BCL11A: variants seen among roughly 807,000 people sequenced by gnomAD.
The protein encoded by BCL11A is BCL11 transcription factor A.
In BCL11A, 2 loss-of-function variants were observed where a neutral mutation model predicts 55.9. That is an observed-to-expected ratio of 0.04 (90% CI 0.01 to 0.11). The LOEUF (loss-of-function observed/expected upper bound fraction) is 0.11, where lower values mean the gene tolerates loss of function less well. Ranked by LOEUF, BCL11A falls within the 10% of genes least tolerant of loss-of-function variation. The pLI, the probability that BCL11A is intolerant of heterozygous loss-of-function variation, is 1.00. For missense variants in BCL11A, 817 were observed against 1,137.1 expected (o/e 0.72, Z 4.05); for synonymous variants, 465 against 473.4 (o/e 0.98, Z 0.23).
chr2:60,531,962 G>A (rs1453533565), intron 2 of BCL11A, among the ~76,000 whole-genome samples: 2 of 152,070 alleles, frequency 1.3e-5, no homozygotes. Flanking sequence ...GTTAAGGCTC[G>A]GAATCCTGCA....
At position 60,523,190 on chromosome 2, in the gene BCL11A, G is replaced by C. The variant is rs114898975; in HGVS notation, c.385+22781C>G. On this transcript the variant is annotated intron_variant, in intron 2 of 3. Coordinates refer to ENST00000642384, the MANE Select transcript of BCL11A (RefSeq NM_022893.4). ...ACTCATGGCAGAACCGTAAAGAAGGGAGATTTCAAGGCAACACGTGTTGCA... is the reference window on the plus strand; with the variant it reads ...ACTCATGGCAGAACCGTAAAGAAGGCAGATTTCAAGGCAACACGTGTTGCA... Among the ~76,000 whole-genome samples, 504 of 152,294 alleles carry C rather than the reference G, an allele frequency of 3.3e-3. 1 individual carries two copies. The highest frequency in any genetic ancestry group is 0.012 in the African/African-American group (480 of 41,550).
chr2:60,511,311 A>G (rs902545974), intron 2 of BCL11A, among the ~76,000 whole-genome samples: 1 of 152,240 alleles, frequency 6.6e-6, no homozygotes, highest in East Asian at 1.9e-4. Context: ...ACCCTAGCAT[A>G]CAATTTGACA....
intron 2 of BCL11A, among the ~76,000 whole-genome samples, chr2:60,490,550 C>G (rs1182365033): frequency 6.6e-6 from 1 of 152,208 alleles, no homozygotes. Flanking sequence ...CAATGAAGGT[C>G]TACCTAGTCA....
intron 2 of BCL11A, chr2:60,526,895 G>A (rs535141398): frequency 6.6e-6 from 1 of 152,306 alleles, no homozygotes; most frequent in African/African-American, 2.4e-5. Flanking sequence ...CTTAGCACCA[G>A]GAACGTTGTA....
At chr2:60,522,367 A>G (rs1223420375) in intron 2 of BCL11A, 1 of 152,194 alleles carries the variant, frequency 6.6e-6, no homozygotes, top group African/African-American at 2.4e-5. Flanking sequence ...CAAAACCATT[A>G]TCACACCTAA....
chr2:60,490,259 C>A (rs1046715500), intron 2 of BCL11A, among the ~76,000 whole-genome samples: 1 of 152,144 alleles, frequency 6.6e-6, no homozygotes, highest in African/African-American at 2.4e-5. Context: ...TCATCCACCC[C>A]CTTTGCAGAG....
At chr2:60,487,327 G>A (rs1429031541) in intron 2 of BCL11A, among the ~76,000 whole-genome samples, 2 of 152,142 alleles carry the variant, frequency 1.3e-5, no homozygotes, top group African/African-American at 4.8e-5. Flanking sequence ...GCTTTCAGGT[G>A]TCTGCACCCC....
At chr2:60,504,570 A>C (rs945181118) in intron 2 of BCL11A, among the ~76,000 whole-genome samples, 10 of 152,192 alleles carry the variant, frequency 6.6e-5, no homozygotes, top group African/African-American at 2.4e-4. Flanking sequence ...CAAGGCAAAA[A>C]GCAAATAGCA....
chr2:60,490,236 G>C (rs1409679016), intron 2 of BCL11A, among the ~76,000 whole-genome samples: 1 of 152,110 alleles, frequency 6.6e-6, no homozygotes, highest in Non-Finnish European at 1.5e-5. Flanking sequence ...GTATAACAGA[G>C]AATTTCAACA....
At chr2:60,501,438 G>C (rs948742367) in intron 2 of BCL11A, among the ~76,000 whole-genome samples, 8 of 151,212 alleles carry the variant, frequency 5.3e-5, no homozygotes, top group Non-Finnish European at 1.0e-4. Context: ...TGGTTTGTAA[G>C]TTCTCTTTCG....
At chr2:60,525,676 C>G (rs1441095735) in intron 2 of BCL11A, 2 of 152,122 alleles carry the variant, frequency 1.3e-5, no homozygotes, top group Admixed American at 6.5e-5. Flanking sequence ...GACAAGGAAA[C>G]AAATGCTAAC....
Position 60,468,896 on chromosome 2 carries a change from A to T in BCL11A, c.386-63T>A, listed in dbSNP as rs557277549. 1.9e-5 allele frequency: 19 copies of T among 996,566 alleles called. No individual in the cohort carries two copies. The African/African-American group carries it at 2.8e-4, about 15-fold the overall frequency. The allele number at this position is 996,566 out of a possible 1,614,324, so 61.7% of individuals were successfully genotyped here. A position where few individuals can be genotyped will look rare whatever the true frequency, so the allele number is the denominator to read the frequency against. On this transcript the variant is annotated intron_variant, in intron 2 of 3. Coordinates refer to ENST00000642384, the MANE Select transcript of BCL11A (RefSeq NM_022893.4). ...AACAACGTGCATCATAAACCACAGG[A>T]TATCACATTTCAATTCCATTAAAAT...
intron 2 of BCL11A, among the ~76,000 whole-genome samples, chr2:60,511,224 G>T (rs45481193): frequency 6.6e-6 from 1 of 152,182 alleles, no homozygotes; most frequent in South Asian, 2.1e-4. Context: ...AGGAGAGAAG[G>T]AGGCCATGGC....
intron 2 of BCL11A, chr2:60,527,240 A>C (rs1558483075): frequency 6.6e-6 from 1 of 152,254 alleles, no homozygotes; most frequent in Non-Finnish European, 1.5e-5. Flanking sequence ...AGGGAAGAGA[A>C]GGAAAACTAG....
chr2:60,490,610 C>T (rs1678573563), intron 2 of BCL11A, among the ~76,000 whole-genome samples: 1 of 152,196 alleles, frequency 6.6e-6, no homozygotes, highest in Non-Finnish European at 1.5e-5. Context: ...ATAGAACACT[C>T]ATCCCATGCA....
intron 2 of BCL11A, among the ~76,000 whole-genome samples, chr2:60,493,930 C>G (rs1678797615): frequency 1.3e-5 from 2 of 152,130 alleles, no homozygotes; most frequent in Non-Finnish European, 2.9e-5. Context: ...CTGGGGGAGA[C>G]AGGGCCTCCA....
chr2:60,455,134 G>A (rs181783243), downstream of BCL11A, among the ~76,000 whole-genome samples: 121 of 152,278 alleles, frequency 7.9e-4, no homozygotes, highest in Non-Finnish European at 1.6e-3. Flanking sequence ...AGAATTTGCG[G>A]TATTCCTGTT....
At chr2:60,452,544 T>G, downstream of BCL11A, 1 of 1,574,302 alleles carries the variant, frequency 6.4e-7, no homozygotes, top group Non-Finnish European at 8.7e-7. Flanking sequence ...GCGGCACGCG[T>G]CCACCCCACC....
In BCL11A at chr2:60,546,017, T is replaced by C. The variant is rs1670132813; in HGVS notation, c.339A>G (p.Leu113=). 6 of 1,614,202 alleles carry C rather than the reference T, an allele frequency of 3.7e-6. No individual in the cohort carries two copies. The highest frequency in any genetic ancestry group is 5.1e-6 in the Non-Finnish European group (6 of 1,180,014). Residue 113 remains leucine (L), a synonymous_variant, in exon 2 of 4, where the codon TTA becomes TTG. Transcript: ENST00000642384. This position sits in a 1 kb window ranked among gnomAD's most constrained non-coding sequence, Gnocchi z 4.1. The part of the protein sequence containing the change: ...IQVTPEDDDC[L]STSSRGICPK... Reference sequence around the variant, plus strand: ...GGCAAATTCCTCTAGATGACGTTGATAAACAATCGTCATCCTCTGGCGTGA... The same window carrying C: ...GGCAAATTCCTCTAGATGACGTTGACAAACAATCGTCATCCTCTGGCGTGA...
Sources: allele counts gnomAD v4.1 joint callset (sites outside exome capture counted in the v4.1 genomes callset), GRCh38; gene constraint gnomAD v4.1.1; non-coding constraint Gnocchi (gnomAD v3.1); transcripts MANE v1.5; gene names NCBI Gene and HGNC (gene_info 2026-07-23, HGNC 2026-07-21).